WDR37: variants seen among roughly 807,000 people sequenced by gnomAD.
WDR37 encodes WD repeat domain 37, also known as WD repeat-containing protein 37.
WDR37 carries 19 observed loss-of-function variants against 62.9 expected under a neutral mutation model. The ratio of observed to expected loss-of-function variants is 0.30; its 90% CI spans 0.21 to 0.44. The LOEUF (loss-of-function observed/expected upper bound fraction) is 0.44, where lower values mean the gene tolerates loss of function less well. WDR37 is among the 20% of genes least tolerant of loss of function. WDR37 has a pLI of 1.00. For missense variants in WDR37, 474 were observed against 657.6 expected (o/e 0.72, Z 3.05); for synonymous variants, 250 against 260.9 (o/e 0.96, Z 0.40).
intron 11 of WDR37, among the ~76,000 whole-genome samples, chr10:1,119,663 TTATAA>T (rs1310187230): frequency 1.3e-5 from 2 of 152,216 alleles, no homozygotes; most frequent in Non-Finnish European, 2.9e-5. Flanking sequence ...ACTGCTGACC[TTATAA>T]TATTATAAGT....
chr10:1,078,398 CT>C (rs527625521), intron 3 of WDR37, among the ~76,000 whole-genome samples: 1 of 151,926 alleles, frequency 6.6e-6, no homozygotes, highest in Non-Finnish European at 1.5e-5. Flanking sequence ...TTTAATTTAT[CT>C]TTTTTTTATT....
chr10:1,074,691 G>A (rs1175604908), intron 2 of WDR37, among the ~76,000 whole-genome samples: 6 of 152,230 alleles, frequency 3.9e-5, no homozygotes, highest in African/African-American at 1.2e-4. Flanking sequence ...GTTGATTAAC[G>A]TAGGAGTGGG....
chr10:1,069,389 A>ATATATATATATATATTTTTT, intron 1 of WDR37, among the ~76,000 whole-genome samples: 58 of 95,758 alleles, frequency 6.1e-4, no homozygotes, highest in Non-Finnish European at 9.3e-4. Flanking sequence ...ATATATATAT[A>ATATATATATATATATTTTTT]TTTTTTTTTT....
At chr10:1,060,847 T>C (rs1168807052) in intron 1 of WDR37, among the ~76,000 whole-genome samples, 1 of 152,060 alleles carries the variant, frequency 6.6e-6, no homozygotes, top group East Asian at 1.9e-4. Flanking sequence ...CACAAATAGA[T>C]ACCATTGTGT....
chr10:1,065,142 T>C (rs1308946884), intron 1 of WDR37, among the ~76,000 whole-genome samples: 4 of 152,088 alleles, frequency 2.6e-5, no homozygotes, highest in African/African-American at 9.7e-5. Flanking sequence ...ACAGCAAAAA[T>C]ATCGGTCAAT....
intron 2 of WDR37, chr10:1,074,543 C>G (rs1564498565): frequency 7.7e-7 from 1 of 1,303,442 alleles, no homozygotes; most frequent in South Asian, 1.2e-5. Flanking sequence ...TGCCTTCCCC[C>G]TGCCCTGGGC....
intron 11 of WDR37, among the ~76,000 whole-genome samples, chr10:1,118,781 G>T (rs1181360439): frequency 6.6e-6 from 1 of 152,214 alleles, no homozygotes; most frequent in Non-Finnish European, 1.5e-5. Context: ...CAGTGCTTTA[G>T]GAGTGTGCAC....
intron 5 of WDR37, among the ~76,000 whole-genome samples, chr10:1,082,217 A>G (rs1834048745): frequency 6.6e-6 from 1 of 152,230 alleles, no homozygotes; most frequent in Non-Finnish European, 1.5e-5. Context: ...CAACAAGAGA[A>G]AGGCTACAGT....
intron 11 of WDR37, among the ~76,000 whole-genome samples, chr10:1,123,417 G>A (rs1335556146): frequency 6.6e-6 from 1 of 152,012 alleles, no homozygotes; most frequent in Non-Finnish European, 1.5e-5. Context: ...AACTATTCAT[G>A]CCCATCCCCC....
chr10:1,113,949 C>CTTT (rs1835300169), intron 11 of WDR37, among the ~76,000 whole-genome samples: 1 of 21,094 alleles, frequency 4.7e-5, no homozygotes, highest in Non-Finnish European at 1.2e-4. Context: ...GGGTAAAATG[C>CTTT]CTTTTTTTTT....
chr10:1,089,769 C>G (rs866146319), intron 7 of WDR37, among the ~76,000 whole-genome samples: 4 of 152,214 alleles, frequency 2.6e-5, no homozygotes, highest in Admixed American at 1.3e-4. Flanking sequence ...CTTCTGGCCT[C>G]CAGTATTCGG....
intron 13 of WDR37, among the ~76,000 whole-genome samples, chr10:1,126,001 C>T (rs1835733529): frequency 6.6e-6 from 1 of 152,260 alleles, no homozygotes; most frequent in Non-Finnish European, 1.5e-5. Flanking sequence ...TGTTCAGATT[C>T]CCTGGCGGCT....
At chr10:1,090,397 G>C (rs1834346795) in intron 7 of WDR37, among the ~76,000 whole-genome samples, 1 of 152,246 alleles carries the variant, frequency 6.6e-6, no homozygotes, top group South Asian at 2.1e-4. Context: ...GACTTCAGGT[G>C]ATCCAGCCGC....
Position 1,093,128 on chromosome 10 carries a change from G to A in WDR37, c.605-324G>A, listed in dbSNP as rs531262689. 9.9e-5 allele frequency among the ~76,000 whole-genome samples: 15 copies of A among 152,102 alleles called. 1 individual carries two copies. The highest frequency in any genetic ancestry group is 3.9e-4 in the East Asian group (2 of 5,178). Reference sequence around the variant, plus strand: ...GCCACACTATAATTTGTCTTCACCCGTTGTCATAATTATGTTTTCTTTTTT... The same window carrying A: ...GCCACACTATAATTTGTCTTCACCCATTGTCATAATTATGTTTTCTTTTTT... On this transcript the variant is annotated intron_variant, in intron 7 of 13. Transcript: ENST00000263150.
At position 1,126,385 on chromosome 10, in the gene WDR37, G is replaced by A. The variant is rs377205033; in HGVS notation, c.1353+1361G>A. On this transcript the variant is annotated intron_variant, in intron 13 of 13. Coordinates refer to ENST00000263150, the MANE Select transcript of WDR37 (RefSeq NM_014023.4). ...CGCGCCACTGCACTCCAGCCTGGGC[G>A]ACAGAGCGAGACTGTGTCTCAGAAA... 9.4e-3 allele frequency among the ~76,000 whole-genome samples: 1,367 copies of A among 145,458 alleles called. 21 individuals carry two copies. The highest frequency in any genetic ancestry group is 0.04 in the Middle Eastern group (11 of 278).
intron 7 of WDR37, among the ~76,000 whole-genome samples, chr10:1,089,706 CTCACCCGCAATTCAACCTTCCTGTGT>C (rs869118313): frequency 3.7e-5 from 2 of 53,692 alleles, no homozygotes; most frequent in Admixed American, 2.1e-4. Context: ...CCTTCCCGTG[CTCACCCGCAATTCAACCTTCCTGTGT>C]TCACTCACTC....
intron 2 of WDR37, among the ~76,000 whole-genome samples, chr10:1,077,500 C>A (rs1178095126): frequency 6.6e-6 from 1 of 152,082 alleles, no homozygotes. Context: ...GGTGCCTCTT[C>A]CATGAGGGTC....
chr10:1,094,423 G>A (rs749722204), intron 8 of WDR37, among the ~76,000 whole-genome samples: 1 of 152,236 alleles, frequency 6.6e-6, no homozygotes, highest in African/African-American at 2.4e-5. Context: ...GGTACTTCCA[G>A]TGTGTGGGAT....
intron 1 of WDR37, 43 bp downstream of exon 1, chr10:1,057,011 C>A (rs1833200142): frequency 6.6e-6 from 1 of 152,604 alleles, no homozygotes; most frequent in South Asian, 2.0e-4. Context: ...CCGAGTCGTT[C>A]CCCGGATGCC....
Sources: allele counts gnomAD v4.1 joint callset (sites outside exome capture counted in the v4.1 genomes callset), GRCh38; gene constraint gnomAD v4.1.1; transcripts MANE v1.5; gene names NCBI Gene and HGNC (gene_info 2026-07-23, HGNC 2026-07-21).